The following LRP1B variants were observed in gnomAD, a reference collection of about 807,000 sequenced individuals.
The protein encoded by LRP1B is low-density lipoprotein receptor-related protein 1B.
A neutral mutation model predicts 556.6 loss-of-function variants in LRP1B; 217 were observed. The observed-to-expected ratio is 0.39, with a 90% CI of 0.35 to 0.44. The LOEUF (loss-of-function observed/expected upper bound fraction) is 0.44. Ranked by LOEUF, LRP1B falls within the 20% of genes least tolerant of loss-of-function variation. The pLI is 1.00. For synonymous variants in LRP1B, 2,047 were observed against 1,865.8 expected, an observed-to-expected ratio of 1.10 and a Z score of -2.50; for missense variants, 5,053 against 5,620.8, an observed-to-expected ratio of 0.90 and a Z score of 3.23.
At chr2:141,089,812 G>GT (rs1275072633) in intron 7 of LRP1B, among the ~76,000 whole-genome samples, 1 of 152,242 alleles carries the variant, frequency 6.6e-6, no homozygotes, top group African/African-American at 2.4e-5. Flanking sequence ...GTCTACAGCT[G>GT]TAAGAGACAG....
At chr2:141,577,781 A>G (rs1362596803) in intron 2 of LRP1B, among the ~76,000 whole-genome samples, 1 of 152,228 alleles carries the variant, frequency 6.6e-6, no homozygotes, top group African/African-American at 2.4e-5. Context: ...CAGTGCTTCT[A>G]AAGCATGATT....
At chr2:140,564,982 T>C (rs1432148620) in intron 43 of LRP1B, among the ~76,000 whole-genome samples, 6 of 152,118 alleles carry the variant, frequency 3.9e-5, no homozygotes, top group African/African-American at 1.4e-4. Context: ...TGGTATGATT[T>C]AGCTGCAATT....
At chr2:141,039,321 CTATTT>C (rs200136586) in intron 11 of LRP1B, among the ~76,000 whole-genome samples, 2,723 of 152,040 alleles carry the variant, frequency 0.018, 43 homozygotes, top group Non-Finnish European at 0.027. Flanking sequence ...TATAATTGTT[CTATTT>C]TATTATCATT....
intron 3 of LRP1B, among the ~76,000 whole-genome samples, chr2:141,376,264 G>A (rs1325909639): frequency 6.6e-6 from 1 of 152,198 alleles, no homozygotes; most frequent in Non-Finnish European, 1.5e-5. Context: ...TCAAGCCTGA[G>A]CCCCCAGTGA....
intron 41 of LRP1B, among the ~76,000 whole-genome samples, chr2:140,615,021 A>G (rs1683208344): frequency 6.6e-6 from 1 of 152,220 alleles, no homozygotes; most frequent in African/African-American, 2.4e-5. Context: ...TCCTGAAACT[A>G]ACTCCTTCCT....
intron 38 of LRP1B, 65 bp from the exon 39 acceptor site, chr2:140,702,357 AAC>A (rs542521252): frequency 6.2e-7 from 1 of 1,605,804 alleles, no homozygotes; most frequent in South Asian, 1.1e-5. Flanking sequence ...AAAATAAAGG[AAC>A]ACTAAAAGTA....
At chr2:140,617,732 T>C (rs1278882973) in intron 41 of LRP1B, among the ~76,000 whole-genome samples, 2 of 152,114 alleles carry the variant, frequency 1.3e-5, no homozygotes, top group East Asian at 3.9e-4. Context: ...ATAATTATAG[T>C]TATCATTCAT....
chr2:141,231,602 C>CCCCCCA (rs1306960307), intron 5 of LRP1B, among the ~76,000 whole-genome samples: 5 of 147,446 alleles, frequency 3.4e-5, no homozygotes, highest in African/African-American at 1.0e-4. Context: ...TTAGCACATT[C>CCCCCCA]CCCCCACCCC....
intron 2 of LRP1B, among the ~76,000 whole-genome samples, chr2:141,600,251 A>C (rs557254570): frequency 2.0e-5 from 3 of 152,146 alleles, no homozygotes; most frequent in Non-Finnish European, 4.4e-5. Flanking sequence ...TTTTTTTAAA[A>C]AAATGCAATA....
At chr2:140,889,507 G>A (rs1034252502) in intron 23 of LRP1B, among the ~76,000 whole-genome samples, 1 of 152,138 alleles carries the variant, frequency 6.6e-6, no homozygotes, top group Non-Finnish European at 1.5e-5. Flanking sequence ...TGTTGGCCAG[G>A]ATGGTCTTGA....
At chr2:140,928,388 T>C (rs1032130400) in intron 20 of LRP1B, among the ~76,000 whole-genome samples, 2 of 152,200 alleles carry the variant, frequency 1.3e-5, no homozygotes, top group Admixed American at 6.6e-5. Flanking sequence ...TGGCTCATTT[T>C]ACATATCTAT....
At chr2:140,858,501 G>GAAGA (rs1553546810) in intron 27 of LRP1B, among the ~76,000 whole-genome samples, 1 of 139,934 alleles carries the variant, frequency 7.1e-6, no homozygotes, top group Non-Finnish European at 1.5e-5. Context: ...TTATATATAT[G>GAAGA]GAGAGAGAGA....
At chr2:140,245,066 C>G (rs535143786) in intron 87 of LRP1B, among the ~76,000 whole-genome samples, 67 of 151,430 alleles carry the variant, frequency 4.4e-4, no homozygotes, top group African/African-American at 1.6e-3. Context: ...ATTTGGTCAA[C>G]TTTGATCAAG....
At chr2:141,967,812 C>G (rs1166947288) in intron 1 of LRP1B, among the ~76,000 whole-genome samples, 1 of 151,688 alleles carries the variant, frequency 6.6e-6, no homozygotes, top group Non-Finnish European at 1.5e-5. Flanking sequence ...TTACTATAAG[C>G]CTGTTAACTC....
chr2:141,505,976 C>T (rs903436722), intron 2 of LRP1B, among the ~76,000 whole-genome samples: 1 of 152,082 alleles, frequency 6.6e-6, no homozygotes, highest in Non-Finnish European at 1.5e-5. Flanking sequence ...ACTTCTAGAA[C>T]ATTTCCCTGT....
At chr2:142,070,249 A>T (rs990109578) in intron 1 of LRP1B, among the ~76,000 whole-genome samples, 6 of 151,754 alleles carry the variant, frequency 4.0e-5, no homozygotes, top group Non-Finnish European at 7.4e-5. Context: ...ACTAATATTT[A>T]TTGGGCACCT....
At chr2:140,240,412 G>C (rs1430968357) in intron 87 of LRP1B, among the ~76,000 whole-genome samples, 1 of 150,544 alleles carries the variant, frequency 6.6e-6, no homozygotes, top group Non-Finnish European at 1.5e-5. Context: ...AGGAGACTTG[G>C]TTTTCTATGT....
At chr2:142,103,108 T>A (rs1706622908) in intron 1 of LRP1B, among the ~76,000 whole-genome samples, 1 of 151,984 alleles carries the variant, frequency 6.6e-6, no homozygotes, top group Admixed American at 6.6e-5. Flanking sequence ...GGTTAAGTAA[T>A]GTTTTTGCTA....
At chr2:141,493,030 T>G in intron 2 of LRP1B, among the ~76,000 whole-genome samples, 1 of 152,282 alleles carries the variant, frequency 6.6e-6, no homozygotes, top group African/African-American at 2.4e-5. Flanking sequence ...CTTCCTATGT[T>G]CCAGGCTCTG....
Sources: gnomAD v4.1 joint callset for allele counts (sites outside exome capture counted in the v4.1 genomes callset) on GRCh38, gnomAD v4.1.1 for gene constraint, MANE v1.5 for transcripts, NCBI Gene and HGNC (gene_info 2026-07-23, HGNC 2026-07-21) for gene names.